Variants in FRMPD4 observed in about 807,000 individuals in gnomAD.
The protein encoded by FRMPD4 is FERM and PDZ domain-containing protein 4.
Under a neutral mutation model 94.1 loss-of-function variants are expected in FRMPD4, and 22 were observed. The observed-to-expected ratio is 0.23, with a 90% CI of 0.17 to 0.33. FRMPD4 has a LOEUF of 0.33. FRMPD4 is among the 10% of genes least tolerant of loss of function. FRMPD4 has a pLI of 1.00. For missense variants in FRMPD4, 1,111 were observed against 1,339.9 expected (o/e 0.83, Z 2.67); for synonymous variants, 631 against 548.6 (o/e 1.15, Z -2.10).
At chrX:12,289,840 T>C (rs927449031) in intron 1 of FRMPD4, among the ~76,000 whole-genome samples, 2 of 111,942 alleles carry the variant, frequency 1.8e-5, no homozygotes, top group African/African-American at 6.5e-5. Flanking sequence ...GACCCAGCCA[T>C]GGAATCCAGA....
intron 2 of FRMPD4, among the ~76,000 whole-genome samples, chrX:12,508,279 CTTT>C (rs62716660): frequency 9.7e-6 from 1 of 103,352 alleles, no homozygotes. Context: ...TCAGGTGGTT[CTTT>C]TTTTTTTTTA....
intron 1 of FRMPD4, among the ~76,000 whole-genome samples, chrX:12,496,962 C>A (rs1188331241): frequency 9.0e-6 from 1 of 111,356 alleles, no homozygotes; most frequent in Non-Finnish European, 1.9e-5. Context: ...ATTCAGCCTT[C>A]CTCCAACTCG....
Position 12,542,923 on chromosome X carries a change from G to A in FRMPD4, c.158+44127G>A, listed in dbSNP as rs745909135. On this transcript the variant is annotated intron_variant, in intron 2 of 16. Transcript: ENST00000675598. ...CCAATGGAACAGAACAGAGCCCTCA[G>A]AAATAATACCACACATCTACAACCA... Among the ~76,000 whole-genome samples the A allele has an allele frequency of 2.7e-5, 3 of 111,719 alleles. No homozygotes were observed. The East Asian group carries it at 8.4e-4, about 31-fold the overall frequency.
At chrX:12,519,917 G>T (rs1255547550) in intron 2 of FRMPD4, among the ~76,000 whole-genome samples, 1 of 112,105 alleles carries the variant, frequency 8.9e-6, no homozygotes, top group Non-Finnish European at 1.9e-5. Context: ...CAAGAATGTG[G>T]AGAAATTGGA....
chrX:12,518,505 T>A (rs978564320), intron 2 of FRMPD4, among the ~76,000 whole-genome samples: 6 of 112,046 alleles, frequency 5.4e-5, no homozygotes, highest in African/African-American at 1.9e-4. Flanking sequence ...TTTGATAAGA[T>A]TCAACAACCT....
At chrX:12,302,808 A>G (rs1014690758) in intron 1 of FRMPD4, among the ~76,000 whole-genome samples, 1 of 112,256 alleles carries the variant, frequency 8.9e-6, no homozygotes, top group Non-Finnish European at 1.9e-5. Context: ...AGTTATTCTT[A>G]TTTTCCAGGT....
rs1569294824 is a variant in FRMPD4, at chrX:12,481,950, A to AAAAAAAAAAAAAAAT, written c.42-16716_42-16715insTAAAAAAAAAAAAAA. Among the ~76,000 whole-genome samples, 607 of 88,278 alleles carry AAAAAAAAAAAAAAAT rather than the reference A, an allele frequency of 6.9e-3. 21 individuals carry two copies. The highest frequency in any genetic ancestry group is 0.013 in the Non-Finnish European group (552 of 44,087). 76.7% of individuals were successfully genotyped at this position (88,278 alleles called of 115,157 possible). Reference sequence around the variant, plus strand: ...AGAGCAAGACTACATCTCAAAAAAAAAAAAAAAAAAAAAAAAAAAAAGAAA... The same window carrying AAAAAAAAAAAAAAAT: ...AGAGCAAGACTACATCTCAAAAAAAAAAAAAAAAAAAAAATAAAAAAAAAAAAAAAAAAAAAGAAA... On this transcript the variant is annotated intron_variant, in intron 1 of 16. Coordinates refer to ENST00000675598, the MANE Select transcript of FRMPD4 (RefSeq NM_001368397.1).
intron 3 of FRMPD4, among the ~76,000 whole-genome samples, chrX:12,121,112 T>C (rs2055450525): frequency 9.2e-6 from 1 of 109,131 alleles, no homozygotes; most frequent in Non-Finnish European, 1.9e-5. Flanking sequence ...ATACTACTAC[T>C]AATAATAATT....
rs60602906 is a variant in FRMPD4, at chrX:12,382,530, G to GCATAGAGCATAGCATAGCAT, written c.42-116150_42-116149insCATAGAGCATAGCATAGCAT. 3.2e-3 allele frequency among the ~76,000 whole-genome samples: 146 copies of GCATAGAGCATAGCATAGCAT among 45,479 alleles called. 6 individuals carry two copies. The highest frequency in any genetic ancestry group is 0.02 in the Admixed American group (68 of 3,390). The allele number at this position is 45,479 out of a possible 115,157, so 39.5% of individuals were successfully genotyped here. ...GCATAGCATAGCATAGCATAGCATA[G>GCATAGAGCATAGCATAGCAT]AGCATAGCATAGCATAGCATAGCAT... On this transcript the variant is annotated intron_variant, in intron 1 of 16. Coordinates refer to ENST00000675598, the MANE Select transcript of FRMPD4 (RefSeq NM_001368397.1).
chrX:12,479,545 A>G (rs901314793), intron 1 of FRMPD4, among the ~76,000 whole-genome samples: 3 of 105,729 alleles, frequency 2.8e-5, no homozygotes, highest in African/African-American at 1.0e-4. Context: ...TATGTTACTC[A>G]GGCTGGAGTG....
chrX:12,304,479 A>C (rs1291097052), intron 1 of FRMPD4, among the ~76,000 whole-genome samples: 22 of 111,161 alleles, frequency 2.0e-4, no homozygotes. Context: ...ACATTGCCTA[A>C]TGTCCCCTGG....
Position 12,564,943 on chromosome X carries a change from G to A in FRMPD4, c.159-44778G>A, listed in dbSNP as rs141691270. Among the ~76,000 whole-genome samples, 723 of 110,820 alleles carry A rather than the reference G, an allele frequency of 6.5e-3. 6 individuals are homozygous for A. The highest frequency in any genetic ancestry group is 0.021 in the African/African-American group (642 of 30,421). On this transcript the variant is annotated intron_variant, in intron 2 of 16. Transcript: ENST00000675598. ...TGAGTAACAAAATAGTAGCATGGCC[G>A]GGCGTGGTGGCGGGTGCCTGTAATC... is the stretch of plus-strand genomic sequence containing the variant.
At chrX:12,297,808 C>G (rs1386660607) in intron 1 of FRMPD4, among the ~76,000 whole-genome samples, 1 of 111,095 alleles carries the variant, frequency 9.0e-6, no homozygotes, top group African/African-American at 3.3e-5. Flanking sequence ...AGAATTAGCC[C>G]CCCCTGGAGT....
intron 5 of FRMPD4, among the ~76,000 whole-genome samples, chrX:12,682,973 A>AAG (rs1569408812): frequency 9.0e-6 from 1 of 111,691 alleles, no homozygotes; most frequent in African/African-American, 3.3e-5. Context: ...TTGAGAGAGA[A>AAG]AGAGAGAGAG....
chrX:12,499,320 G>GT (rs1309197807), intron 2 of FRMPD4, among the ~76,000 whole-genome samples: 3 of 111,972 alleles, frequency 2.7e-5, no homozygotes, highest in African/African-American at 6.5e-5. Flanking sequence ...TGGTGCTCTG[G>GT]TTTTTTGTTA....
At chrX:12,236,081 C>T (rs1418390079) in intron 1 of FRMPD4, among the ~76,000 whole-genome samples, 7 of 111,849 alleles carry the variant, frequency 6.3e-5, no homozygotes, top group African/African-American at 2.3e-4. Flanking sequence ...CCATCAGATT[C>T]TCTCTGTGGT....
intron 5 of FRMPD4, among the ~76,000 whole-genome samples, chrX:12,680,201 TG>T (rs777411302): frequency 6.1e-4 from 68 of 112,215 alleles, no homozygotes; most frequent in Admixed American, 1.1e-3. Context: ...ACAGCAAATT[TG>T]GAAAATGTAC....
At chrX:12,692,121 T>C (rs1377125077) in intron 8 of FRMPD4, among the ~76,000 whole-genome samples, 1 of 112,522 alleles carries the variant, frequency 8.9e-6, no homozygotes, top group Admixed American at 9.4e-5. Context: ...CATGCTGATT[T>C]AGTTGGACAA....
intron 1 of FRMPD4, among the ~76,000 whole-genome samples, chrX:12,318,449 G>A (rs747294709): frequency 8.9e-5 from 10 of 111,789 alleles, no homozygotes; most frequent in African/African-American, 3.3e-4. Context: ...TGCTTCACTC[G>A]GGAAGTCAAG....
Sources: allele counts gnomAD v4.1 joint callset (sites outside exome capture counted in the v4.1 genomes callset), GRCh38; gene constraint gnomAD v4.1.1; transcripts MANE v1.5; gene names NCBI Gene and HGNC (gene_info 2026-07-23, HGNC 2026-07-21).